The following IFNAR2 variants were observed in gnomAD, a reference collection of about 807,000 sequenced individuals.
IFNAR2 encodes interferon alpha/beta receptor 2.
In IFNAR2, 30 loss-of-function variants were observed where a neutral mutation model predicts 49.4. The observed-to-expected ratio is 0.61, with a 90% CI of 0.45 to 0.82. The LOEUF (loss-of-function observed/expected upper bound fraction) is 0.82. Ranked by LOEUF, IFNAR2 falls within the 40% of genes least tolerant of loss-of-function variation. The pLI is 0.00. For missense variants in IFNAR2, 600 were observed against 622.7 expected, an observed-to-expected ratio of 0.96 and a Z score of 0.39; for synonymous variants, 224 against 234.5, an observed-to-expected ratio of 0.96 and a Z score of 0.41.
Position 33,263,290 on chromosome 21 carries a change from T to G in IFNAR2, c.1338T>G (p.Pro446=). 1 of 1,614,164 alleles carries G rather than the reference T, an allele frequency of 6.2e-7. No homozygotes were observed. The highest frequency in any genetic ancestry group is 1.3e-5 in the African/African-American group (1 of 75,022). The change falls in exon 9 of 9, where the codon CCT becomes CCG. Residue 446 remains proline, a synonymous_variant. Transcript: ENST00000342136. ...DDEDSDDLEA[P]LMLSSHLEEM... The stretch of plus-strand genomic sequence containing the variant: ...AGGACAGTGACGACTTAGAAGCCCC[T>G]CTGATGCTATCGTCTCATCTGGAAG...
chr21:33,262,540 GTTTA>G (rs1568896791), intron 8 of IFNAR2: 2 of 694,322 alleles, frequency 2.9e-6, no homozygotes, highest in African/African-American at 3.6e-5. Flanking sequence ...ATCTCATTAA[GTTTA>G]TTTTTTATTT....
intron 4 of IFNAR2, among the ~76,000 whole-genome samples, chr21:33,245,603 G>T (rs768581875): frequency 3.9e-5 from 6 of 152,234 alleles, no homozygotes; most frequent in Non-Finnish European, 5.9e-5. Context: ...CTAAGCTAAT[G>T]CCTCTGCTGA....
At chr21:33,243,817 C>A in intron 3 of IFNAR2, 103 bp downstream of exon 3, 1 of 853,476 alleles carries the variant, frequency 1.2e-6, no homozygotes, top group Non-Finnish European at 2.0e-6. Context: ...TCTGATTGTA[C>A]ATCTGTTGCC....
At chr21:33,241,570 A>T (rs16990387) in intron 1 of IFNAR2, among the ~76,000 whole-genome samples, 3 of 152,208 alleles carry the variant, frequency 2.0e-5, no homozygotes, top group African/African-American at 4.8e-5. Context: ...ATGCATGAAG[A>T]TACTCTGAAG....
chr21:33,245,687 G>T lies in IFNAR2; in HGVS notation c.221+613G>T, dbSNP rs78847559. 3.6e-3 allele frequency among the ~76,000 whole-genome samples: 553 copies of T among 152,268 alleles called. 16 individuals carry two copies. In the East Asian group the frequency reaches 0.067, roughly 19 times the overall value. On this transcript the variant is annotated intron_variant, in intron 4 of 8. Coordinates refer to ENST00000342136, the MANE Select transcript of IFNAR2 (RefSeq NM_001289125.3). Reference sequence around the variant, plus strand: ...TTTTGTCTTCCCACACCTACCAATCGCCCTTAGAAGTCATTGCTTTGATCC... The same window carrying T: ...TTTTGTCTTCCCACACCTACCAATCTCCCTTAGAAGTCATTGCTTTGATCC...
intron 1 of IFNAR2, among the ~76,000 whole-genome samples, chr21:33,241,633 T>G (rs1986933888): frequency 6.6e-6 from 1 of 152,250 alleles, no homozygotes; most frequent in South Asian, 2.1e-4. Flanking sequence ...TTTCACAATT[T>G]TTTTTTTGAA....
At chr21:33,258,339 A>G (rs1480370907) in intron 7 of IFNAR2, among the ~76,000 whole-genome samples, 2 of 152,086 alleles carry the variant, frequency 1.3e-5, no homozygotes, top group Non-Finnish European at 2.9e-5. Flanking sequence ...AGAGGCAGAG[A>G]AGGAGCTCTC....
Position 33,230,365 on chromosome 21 carries a change from G to A in IFNAR2, c.-84+149G>A. On this transcript the variant is annotated intron_variant, in intron 1 of 8. Transcript: ENST00000342136. The surrounding 1 kb of genome is among the most constrained non-coding windows in gnomAD (Gnocchi z 5.5). ...CCTCCTCCTCCTGCCCTCCCTCTGC[G>A]TCTTGAGTATGCGGCTAGTGCGCCC... 3.1e-6 allele frequency: 2 copies of A among 655,620 alleles called. No homozygotes were observed. The highest frequency in any genetic ancestry group is 2.2e-6 in the Non-Finnish European group (1 of 459,314). The allele number at this position is 655,620 out of a possible 1,614,324, so 40.6% of individuals were successfully genotyped here.
At chr21:33,247,252 TTC>T (rs1015178491) in intron 5 of IFNAR2, among the ~76,000 whole-genome samples, 13,085 of 130,620 alleles carry the variant, frequency 0.1, 947 homozygotes, top group Middle Eastern at 0.13. Flanking sequence ...CTTTCTTTCT[TTC>T]TTTTTTTTTT....
Position 33,230,664 on chromosome 21 carries a change from T to TTGAGGTCCCCTGGGA in IFNAR2, c.-84+450_-84+464dup. The TTGAGGTCCCCTGGGA allele has an allele frequency of 2.2e-6, 1 of 460,140 alleles. No homozygotes were observed. The highest frequency in any genetic ancestry group is 2.0e-5 in the African/African-American group (1 of 49,962). 28.5% of individuals were successfully genotyped at this position (460,140 alleles called of 1,614,324 possible). A position where few individuals can be genotyped will look rare whatever the true frequency, so the allele number is the denominator to read the frequency against. ...GGTTCGGGATCTCCAGCCCGCCCCC[T>TTGAGGTCCCCTGGGA]TGAGGTCCCCTGGGATTAGCCCCCC... On this transcript the variant is annotated intron_variant, in intron 1 of 8. Transcript: ENST00000342136. The surrounding 1 kb of genome is among the most constrained non-coding windows in gnomAD (Gnocchi z 5.5).
intron 1 of IFNAR2, among the ~76,000 whole-genome samples, chr21:33,232,788 G>A: frequency 6.6e-6 from 1 of 152,160 alleles, no homozygotes; most frequent in East Asian, 1.9e-4. Flanking sequence ...CAACCTTCTG[G>A]GCTAGAGAAA....
At chr21:33,251,848 C>A in intron 6 of IFNAR2, 2 of 825,488 alleles carry the variant, frequency 2.4e-6, no homozygotes, top group Non-Finnish European at 2.9e-6. Context: ...TTTGGAAGGC[C>A]AAGGCAGGCA....
chr21:33,238,529 C>T (rs1196189544), intron 1 of IFNAR2, among the ~76,000 whole-genome samples: 1 of 152,076 alleles, frequency 6.6e-6, no homozygotes, highest in Non-Finnish European at 1.5e-5. Context: ...TACTGGGGCT[C>T]CTTAAAATTC....
Position 33,252,744 on chromosome 21 carries a change from T to C in IFNAR2, c.623T>C (p.Val208Ala). The C allele has an allele frequency of 1.2e-6, 2 of 1,612,810 alleles. No homozygotes were observed. The highest frequency in any genetic ancestry group is 2.2e-5 in the East Asian group (1 of 44,864). ...DKLIPNTNYC[V>A]SVYLEHSDEQ... ...TTAATTCCAAACACGAACTACTGTG[T>C]ATCTGTTTATTTAGAGCACAGTGAT... Residue 208 changes from valine to alanine, a missense_variant, in exon 7 of 9, where the codon GTA (valine) becomes GCA (alanine). Physicochemically the swap from Val to Ala is moderately conservative, Grantham distance 64. Transcript: ENST00000342136.
chr21:33,258,891 C>T (rs1988388445), intron 7 of IFNAR2, among the ~76,000 whole-genome samples: 1 of 152,158 alleles, frequency 6.6e-6, no homozygotes, highest in Non-Finnish European at 1.5e-5. Context: ...AGGGAACATC[C>T]ATCCACATGC....
chr21:33,248,337 T>C, intron 5 of IFNAR2, among the ~76,000 whole-genome samples: 2 of 115,586 alleles, frequency 1.7e-5, no homozygotes, highest in Admixed American at 1.3e-4. Flanking sequence ...GGAAACCCTA[T>C]GTCTACATTA....
chr21:33,252,854 T>C, intron 7 of IFNAR2, 24 bp downstream of exon 7: 1 of 1,575,908 alleles, frequency 6.3e-7, no homozygotes, highest in Non-Finnish European at 8.7e-7. Flanking sequence ...TTTAAATTCA[T>C]GTTTTGAGTA....
At chr21:33,231,556 C>G (rs1333433733) in intron 1 of IFNAR2, among the ~76,000 whole-genome samples, 1 of 152,170 alleles carries the variant, frequency 6.6e-6, no homozygotes, top group Non-Finnish European at 1.5e-5. Context: ...GATCATAACC[C>G]TAGAGGTACT....
chr21:33,230,419 C>T lies in IFNAR2; in HGVS notation c.-84+203C>T, dbSNP rs564754401. The stretch of plus-strand genomic sequence containing the variant: ...CTCTCTCCCGGGGCCGCACCTGCGA[C>T]CCCAGGACCCCTCCCGGGCCCTGTC... On this transcript the variant is annotated intron_variant, in intron 1 of 8. Coordinates refer to ENST00000342136, the MANE Select transcript of IFNAR2 (RefSeq NM_001289125.3). This position sits in a 1 kb window ranked among gnomAD's most constrained non-coding sequence, Gnocchi z 5.5. 4.7e-5 allele frequency: 22 copies of T among 470,620 alleles called. No individual in the cohort carries two copies. The East Asian group carries it at 1.5e-3, about 32-fold the overall frequency. The allele number at this position is 470,620 out of a possible 1,614,324, so 29.2% of individuals were successfully genotyped here.
Sources: gnomAD v4.1 joint callset for allele counts (sites outside exome capture counted in the v4.1 genomes callset) on GRCh38, gnomAD v4.1.1 for gene constraint, Gnocchi (gnomAD v3.1) non-coding constraint, MANE v1.5 for transcripts, NCBI Gene and HGNC (gene_info 2026-07-23, HGNC 2026-07-21) for gene names.